KHDRBS2: variants seen among roughly 807,000 people sequenced by gnomAD.
KHDRBS2 encodes KH domain-containing, RNA-binding, signal transduction-associated protein 2.
A neutral mutation model predicts 44.3 loss-of-function variants in KHDRBS2; 26 were observed. The ratio of observed to expected loss-of-function variants is 0.59; its 90% CI spans 0.43 to 0.81. The LOEUF (loss-of-function observed/expected upper bound fraction) is 0.81. KHDRBS2 is among the 40% of genes least tolerant of loss of function. The probability of loss-of-function intolerance (pLI) is 0.00; values close to 1 mark genes in which losing one functional copy is unlikely to be tolerated. For missense variants in KHDRBS2, 476 were observed against 433.1 expected, an observed-to-expected ratio of 1.10 and a Z score of -0.88; for synonymous variants, 194 against 151.1, an observed-to-expected ratio of 1.28 and a Z score of -2.08.
intron 6 of KHDRBS2, among the ~76,000 whole-genome samples, chr6:61,821,180 C>A (rs1789851674): frequency 6.6e-6 from 1 of 151,984 alleles, no homozygotes; most frequent in African/African-American, 2.4e-5. Flanking sequence ...ACTTTCAACT[C>A]TCTCTTACTT....
chr6:62,010,531 GCT>G lies in KHDRBS2; in HGVS notation c.337-32321_337-32320del, dbSNP rs776158973. ...ACCAGGGGTGGAATAATATGGTCTA[GCT>G]CTGTGTCCCCACCCAAATCTCATCT... is the stretch of plus-strand genomic sequence containing the variant. On this transcript the variant is annotated intron_variant, in intron 3 of 8. Coordinates refer to ENST00000281156, the MANE Select transcript of KHDRBS2 (RefSeq NM_152688.4). Among the ~76,000 whole-genome samples, 30 of 152,116 alleles carry G rather than the reference GCT, an allele frequency of 2.0e-4. 1 individual carries two copies. Among genetic ancestry groups the G allele is most frequent in the Non-Finnish European group, 1.0e-4 (7 of 68,016 alleles).
intron 1 of KHDRBS2, among the ~76,000 whole-genome samples, chr6:62,184,109 A>G (rs1316027312): frequency 1.3e-5 from 2 of 151,752 alleles, no homozygotes; most frequent in Non-Finnish European, 3.0e-5. Context: ...GAATAATGCA[A>G]CACAGAAGAA....
At chr6:62,179,226 C>A (rs1433976846) in intron 1 of KHDRBS2, among the ~76,000 whole-genome samples, 1 of 151,588 alleles carries the variant, frequency 6.6e-6, no homozygotes, top group South Asian at 2.1e-4. Flanking sequence ...ATAATTTTTA[C>A]GAAGTCATTT....
At chr6:61,933,940 C>T (rs1006379003) in intron 4 of KHDRBS2, among the ~76,000 whole-genome samples, 1 of 152,092 alleles carries the variant, frequency 6.6e-6, no homozygotes, top group African/African-American at 2.4e-5. Context: ...GTTCCATTTT[C>T]TCCATATCCT....
chr6:61,716,746 TTG>T (rs568560147), intron 7 of KHDRBS2, among the ~76,000 whole-genome samples: 2 of 151,998 alleles, frequency 1.3e-5, no homozygotes, highest in African/African-American at 4.8e-5. Context: ...TTAAACTTTT[TTG>T]TGTGTGTGTG....
At chr6:62,171,293 C>T (rs1252949098) in intron 2 of KHDRBS2, among the ~76,000 whole-genome samples, 1 of 151,872 alleles carries the variant, frequency 6.6e-6, no homozygotes, top group Non-Finnish European at 1.5e-5. Flanking sequence ...AATACAATCA[C>T]AAGTATTAAC....
chr6:62,187,663 G>C (rs1212940843), intron 1 of KHDRBS2, among the ~76,000 whole-genome samples: 1 of 151,978 alleles, frequency 6.6e-6, no homozygotes, highest in Non-Finnish European at 1.5e-5. Context: ...AAATTTCCCT[G>C]TGTTCTTTTG....
In KHDRBS2 at chr6:61,771,974, T is replaced by G. The variant is rs564138260; in HGVS notation, c.811-39210A>C. 1.6e-3 allele frequency among the ~76,000 whole-genome samples: 237 copies of G among 152,216 alleles called. 1 individual carries two copies. The highest frequency in any genetic ancestry group is 5.3e-3 in the African/African-American group (221 of 41,548). On this transcript the variant is annotated intron_variant, in intron 6 of 8. Transcript: ENST00000281156. ...TCAGCAAATGTAAAAGAAAAGAAAT[T>G]ATAACAAACTGTATCTCAGACCACA...
At chr6:61,866,950 A>G (rs1254683291) in intron 6 of KHDRBS2, among the ~76,000 whole-genome samples, 1 of 152,166 alleles carries the variant, frequency 6.6e-6, no homozygotes, top group Non-Finnish European at 1.5e-5. Context: ...AAGCTATTCA[A>G]CAAGTCTCTA....
intron 2 of KHDRBS2, among the ~76,000 whole-genome samples, chr6:62,051,743 A>T (rs533973922): frequency 2.6e-4 from 40 of 152,212 alleles, no homozygotes; most frequent in Non-Finnish European, 2.2e-4. Flanking sequence ...GCACACATCT[A>T]TTAAGGGTTA....
At chr6:61,975,081 G>C (rs1772285681) in intron 4 of KHDRBS2, among the ~76,000 whole-genome samples, 1 of 152,146 alleles carries the variant, frequency 6.6e-6, no homozygotes, top group African/African-American at 2.4e-5. Context: ...AATGCTGAAA[G>C]TGGGTTGTTT....
At chr6:62,157,084 G>A (rs113517366) in intron 2 of KHDRBS2, among the ~76,000 whole-genome samples, 26,000 of 151,212 alleles carry the variant, frequency 0.17, 2,820 homozygotes, top group Non-Finnish European at 0.22. Context: ...GGCCGGGTGC[G>A]GTGGCTCATA....
At chr6:62,078,644 A>G (rs1796808054) in intron 2 of KHDRBS2, among the ~76,000 whole-genome samples, 1 of 152,016 alleles carries the variant, frequency 6.6e-6, no homozygotes, top group African/African-American at 2.4e-5. Flanking sequence ...GTCATGACAG[A>G]AATTGAAAGG....
the KHDRBS2 span, among the ~76,000 whole-genome samples, chr6:61,569,510 T>TAAC: frequency 2.6e-5 from 4 of 152,164 alleles, no homozygotes; most frequent in African/African-American, 9.7e-5. Context: ...CATGACAGAC[T>TAAC]AACCCTGATC....
the KHDRBS2 span, among the ~76,000 whole-genome samples, chr6:61,581,465 TA>T: frequency 6.6e-6 from 1 of 150,666 alleles, no homozygotes; most frequent in African/African-American, 2.4e-5. Flanking sequence ...ATTAAAAGCA[TA>T]AAGCATCCAG....
chr6:61,803,949 T>TACA (rs1201316180), intron 6 of KHDRBS2, among the ~76,000 whole-genome samples: 2 of 152,066 alleles, frequency 1.3e-5, no homozygotes, highest in Non-Finnish European at 2.9e-5. Flanking sequence ...TTTGAGTGGG[T>TACA]ACACAGAGCC....
rs568990455 is a variant in KHDRBS2 at position 61,894,295 on chromosome 6, G to C, written c.810+340C>G. 3.9e-5 allele frequency among the ~76,000 whole-genome samples: 6 copies of C among 152,156 alleles called. No homozygotes were observed. The South Asian group carries it at 1.2e-3, about 32-fold the overall frequency. Reference sequence around the variant, plus strand: ...TTTGTTAAATATTTCTGAGTTTTATGCTAATCTTTGTCAAGTTCCAGAAAT... The same window carrying C: ...TTTGTTAAATATTTCTGAGTTTTATCCTAATCTTTGTCAAGTTCCAGAAAT... On this transcript the variant is annotated intron_variant, in intron 6 of 8. Transcript: ENST00000281156.
At chr6:62,083,926 A>C (rs1430572144) in intron 2 of KHDRBS2, among the ~76,000 whole-genome samples, 5 of 152,192 alleles carry the variant, frequency 3.3e-5, no homozygotes. Context: ...GTAGATCATA[A>C]TGGATACCAT....
chr6:62,142,932 G>T (rs1813163292), intron 2 of KHDRBS2, among the ~76,000 whole-genome samples: 2 of 148,936 alleles, frequency 1.3e-5, no homozygotes, highest in Admixed American at 1.3e-4. Context: ...TTGTAACAAA[G>T]AATTTATTTT....
Sources: allele counts gnomAD v4.1 joint callset (sites outside exome capture counted in the v4.1 genomes callset), GRCh38; gene constraint gnomAD v4.1.1; transcripts MANE v1.5; gene names NCBI Gene and HGNC (gene_info 2026-07-23, HGNC 2026-07-21).